RBFOX1: variants seen among roughly 807,000 people sequenced by gnomAD.
The protein encoded by RBFOX1 is RNA binding fox-1 homolog 1, also known as RNA binding protein fox-1 homolog 1.
In RBFOX1, 8 loss-of-function variants were observed where a neutral mutation model predicts 57.7. The observed-to-expected ratio is 0.14, with a 90% confidence interval of 0.08 to 0.25. The LOEUF (loss-of-function observed/expected upper bound fraction) is 0.25, where lower values mean the gene tolerates loss of function less well. Ranked by LOEUF, RBFOX1 falls within the 10% of genes least tolerant of loss-of-function variation. The pLI is 1.00. For missense variants in RBFOX1, 611 were observed against 548.5 expected, an observed-to-expected ratio of 1.11 and a Z score of -1.14; for synonymous variants, 326 against 222.4, an observed-to-expected ratio of 1.47 and a Z score of -4.15.
chr16:7,171,119 T>C (rs1161727057), intron 4 of RBFOX1, among the ~76,000 whole-genome samples: 1 of 152,226 alleles, frequency 6.6e-6, no homozygotes, highest in Non-Finnish European at 1.5e-5. Context: ...CCTCTCCCTA[T>C]GTCTTGGGCA....
chr16:7,243,102 G>T (rs1335964803), intron 4 of RBFOX1, among the ~76,000 whole-genome samples: 1 of 151,940 alleles, frequency 6.6e-6, no homozygotes, highest in Non-Finnish European at 1.5e-5. Flanking sequence ...AACGTTTTAG[G>T]AATATCAATA....
chr16:6,146,769 T>A (rs1033047532), intron 1 of RBFOX1, among the ~76,000 whole-genome samples: 1 of 152,184 alleles, frequency 6.6e-6, no homozygotes, highest in Admixed American at 6.5e-5. Flanking sequence ...TTCCGGAGTG[T>A]CCCTGTCTTA....
chr16:7,015,120 A>G (rs1341853173), intron 3 of RBFOX1, among the ~76,000 whole-genome samples: 1 of 152,156 alleles, frequency 6.6e-6, no homozygotes, highest in Non-Finnish European at 1.5e-5. Context: ...GACAGAGTTA[A>G]GGGTCAGTTC....
chr16:7,385,526 AGCAGGAGTGAGCTT>A (rs1307658020), intron 4 of RBFOX1, among the ~76,000 whole-genome samples: 1 of 152,178 alleles, frequency 6.6e-6, no homozygotes, highest in Non-Finnish European at 1.5e-5. Flanking sequence ...GAGTGGGAAG[AGCAGGAGTGAGCTT>A]GCAGAAGTTC....
At chr16:7,161,661 G>T (rs969472500) in intron 4 of RBFOX1, among the ~76,000 whole-genome samples, 4 of 152,148 alleles carry the variant, frequency 2.6e-5, no homozygotes, top group African/African-American at 9.7e-5. Flanking sequence ...AGAGGATCAG[G>T]TTCACAAATG....
rs193043992 is a variant in RBFOX1 at position 6,393,842 on chromosome 16, C to T, written c.-64+76785C>T. Among the ~76,000 whole-genome samples, 14 of 152,192 alleles carry T rather than the reference C, an allele frequency of 9.2e-5. No individual in the cohort carries two copies. In the South Asian group the frequency reaches 1.9e-3, roughly 20 times the overall value. On this transcript the variant is annotated intron_variant, in intron 2 of 15. Transcript: ENST00000550418. ...TCTGGATGACTGTTGAAAGCAAAAGCGGGATCATTGTAAGAACTGTGTCAG... is the reference window on the plus strand; with the variant it reads ...TCTGGATGACTGTTGAAAGCAAAAGTGGGATCATTGTAAGAACTGTGTCAG...
chr16:5,909,574 C>A (rs1002798378), intron 4 of RBFOX1, among the ~76,000 whole-genome samples: 1 of 152,190 alleles, frequency 6.6e-6, no homozygotes, highest in Admixed American at 6.5e-5. Flanking sequence ...TTGATCCATG[C>A]AATCTCTCTT....
chr16:6,829,114 G>T (rs2092478783), intron 3 of RBFOX1, among the ~76,000 whole-genome samples: 1 of 152,100 alleles, frequency 6.6e-6, no homozygotes, highest in African/African-American at 2.4e-5. Context: ...ACTAGTATCA[G>T]TAGAGTCCCT....
intron 2 of RBFOX1, among the ~76,000 whole-genome samples, chr16:5,498,893 G>A (rs1225411398): frequency 6.6e-6 from 1 of 152,154 alleles, no homozygotes; most frequent in Non-Finnish European, 1.5e-5. Flanking sequence ...GGCCATCGTG[G>A]GTCTGCAGGT....
At chr16:6,789,533 A>G (rs892674130) in intron 3 of RBFOX1, among the ~76,000 whole-genome samples, 2 of 152,200 alleles carry the variant, frequency 1.3e-5, no homozygotes, top group Non-Finnish European at 2.9e-5. Context: ...GTGCAAATTT[A>G]AGCAAATTAT....
rs1555506307 is a variant in RBFOX1 at position 5,709,809 on chromosome 16, T to TTATATATATATATATATCTATA, written c.318+110865_318+110866insCTATATATATATATATATATAT. Among the ~76,000 whole-genome samples the TTATATATATATATATATCTATA allele has an allele frequency of 2.1e-4, 3 of 14,446 alleles. 1 individual carries two copies. The highest frequency in any genetic ancestry group is 1.8e-3 in the Admixed American group (2 of 1,118). The allele number at this position is 14,446 out of a possible 152,430, so 9.5% of individuals were successfully genotyped here. A position where few individuals can be genotyped will look rare whatever the true frequency, so the allele number is the denominator to read the frequency against. On this transcript the variant is annotated intron_variant, in intron 3 of 19. Transcript: ENST00000641259. ...TCTACTGGGTGTTGTATCAGTTTCT[T>TTATATATATATATATATCTATA]TATATATATATATATATATATATAT...
rs186006321 is a variant in RBFOX1, at chr16:6,280,433, T to C, written c.-126-36562T>C. Among the ~76,000 whole-genome samples, 23 of 152,222 alleles carry C rather than the reference T, an allele frequency of 1.5e-4. No homozygotes were observed. In the East Asian group the frequency reaches 4.5e-3, roughly 29 times the overall value. On this transcript the variant is annotated intron_variant, in intron 1 of 15. Transcript: ENST00000550418. ...TCTGGTACCTTTAGTAGGAGAAAGATGGAGACAGATTGGAGACAAGTTGGC... is the reference window on the plus strand; with the variant it reads ...TCTGGTACCTTTAGTAGGAGAAAGACGGAGACAGATTGGAGACAAGTTGGC...
chr16:5,515,571 T>C (rs749050379), intron 2 of RBFOX1, among the ~76,000 whole-genome samples: 1 of 152,276 alleles, frequency 6.6e-6, no homozygotes, highest in Admixed American at 6.5e-5. Context: ...TATTGGAAGA[T>C]GTATTTCCTT....
chr16:7,610,733 A>T (rs2057322205), intron 10 of RBFOX1, among the ~76,000 whole-genome samples: 1 of 152,192 alleles, frequency 6.6e-6, no homozygotes, highest in Admixed American at 6.5e-5. Context: ...AGACCTGCAA[A>T]CACTGAAAGT....
At chr16:6,607,344 C>G (rs1458882146) in intron 2 of RBFOX1, among the ~76,000 whole-genome samples, 1 of 152,084 alleles carries the variant, frequency 6.6e-6, no homozygotes, top group East Asian at 1.9e-4. Flanking sequence ...TATAATAATT[C>G]ATTTAATATA....
chr16:7,021,308 A>G (rs901892111), intron 3 of RBFOX1, among the ~76,000 whole-genome samples: 5 of 148,682 alleles, frequency 3.4e-5, no homozygotes, highest in African/African-American at 9.8e-5. Flanking sequence ...CTCTCTCTAT[A>G]TATATATATT....
At chr16:7,321,963 G>A (rs978905032) in intron 4 of RBFOX1, among the ~76,000 whole-genome samples, 3 of 152,192 alleles carry the variant, frequency 2.0e-5, no homozygotes, top group Admixed American at 2.0e-4. Flanking sequence ...GCACAGCTTG[G>A]CACAGCTTGG....
chr16:7,567,537 C>G lies in RBFOX1; in HGVS notation c.271-12240C>G, dbSNP rs186138741. 5.9e-5 allele frequency among the ~76,000 whole-genome samples: 6 copies of G among 101,166 alleles called. No homozygotes were observed. The East Asian group carries it at 1.1e-3, about 18-fold the overall frequency. The allele number at this position is 101,166 out of a possible 152,430, so 66.4% of individuals were successfully genotyped here. ...CCTATATATATATCCCTATGTATGG[C>G]CCTATATGTATATCCCTATATATGG... On this transcript the variant is annotated intron_variant, in intron 5 of 15. Transcript: ENST00000550418.
At chr16:7,123,743 T>C (rs1017350228) in intron 4 of RBFOX1, among the ~76,000 whole-genome samples, 6 of 152,296 alleles carry the variant, frequency 3.9e-5, no homozygotes, top group African/African-American at 1.4e-4. Flanking sequence ...TATATTTATA[T>C]TGTATGATGA....
Sources: gnomAD v4.1 joint callset for allele counts (sites outside exome capture counted in the v4.1 genomes callset) on GRCh38, gnomAD v4.1.1 for gene constraint, MANE v1.5 for transcripts, NCBI Gene and HGNC (gene_info 2026-07-23, HGNC 2026-07-21) for gene names.